The following AMZ1 variants were observed in gnomAD, a reference collection of about 807,000 sequenced individuals.
AMZ1 encodes the protein archaelysin family metallopeptidase 1, also known as archaemetzincin-1.
Under a neutral mutation model 29.9 loss-of-function variants are expected in AMZ1, and 39 were observed. That is an observed-to-expected ratio of 1.30 (90% CI 1.01 to 1.70). The LOEUF (loss-of-function observed/expected upper bound fraction) is 1.70. Among genes scored for constraint, AMZ1 ranks in the 40% most tolerant of loss-of-function variants. The pLI is 0.00. For synonymous variants in AMZ1, 458 were observed against 304.0 expected (o/e 1.51, Z -5.27); for missense variants, 1,041 against 680.6 (o/e 1.53, Z -5.89).
intron 3 of AMZ1, among the ~76,000 whole-genome samples, 170 bp from the exon 4 acceptor site, chr7:2,708,418 C>T (rs1328029361): frequency 6.6e-6 from 1 of 152,184 alleles, no homozygotes; most frequent in Non-Finnish European, 1.5e-5. Context: ...CACTCCACAT[C>T]ATGCAGTACT....
chr7:2,689,487 G>A (rs1446007201), intron 1 of AMZ1, among the ~76,000 whole-genome samples: 6 of 152,188 alleles, frequency 3.9e-5, no homozygotes, highest in African/African-American at 1.4e-4. Flanking sequence ...GCTGGAACTC[G>A]GGTGCTCTGG....
rs1326792541 is a variant in AMZ1, at chr7:2,719,044, A to C, written c.*6166A>C. ...TTTTTTCCCCCCCATCTGAAGTGAG[A>C]TCAAACTTCTACCACATTCTACCTG... On this transcript the variant is annotated 3_prime_UTR_variant, in exon 7 of 7. Transcript: ENST00000683327. 6.8e-6 allele frequency among the ~76,000 whole-genome samples: 1 copy of C among 147,762 alleles called. No individual in the cohort carries two copies. The highest frequency in any genetic ancestry group is 1.5e-5 in the Non-Finnish European group (1 of 67,470).
At chr7:2,697,953 A>G (rs1787838070) in intron 1 of AMZ1, among the ~76,000 whole-genome samples, 1 of 152,216 alleles carries the variant, frequency 6.6e-6, no homozygotes, top group Non-Finnish European at 1.5e-5. Context: ...ATATTTGTGT[A>G]TATTTGTGTG....
chr7:2,728,384 T>C (rs1276458475), intron 4 of AMZ1: 4 of 152,300 alleles, frequency 2.6e-5, no homozygotes, highest in African/African-American at 9.7e-5. Context: ...TTATTTTTCT[T>C]TTATCAAAGA....
At chr7:2,701,572 C>T (rs1054739123) in intron 2 of AMZ1, among the ~76,000 whole-genome samples, 6 of 152,146 alleles carry the variant, frequency 3.9e-5, no homozygotes, top group Admixed American at 1.3e-4. Context: ...CAGGCAGGTG[C>T]GGGGAGCGCG....
At chr7:2,679,723 A>C (rs1019660435) in intron 1 of AMZ1, 1 of 152,480 alleles carries the variant, frequency 6.6e-6, no homozygotes, top group Non-Finnish European at 1.5e-5. Flanking sequence ...GGGAAGAGGC[A>C]GCTGTGGGGC....
In AMZ1 at chr7:2,711,694, C is replaced by G. The variant is rs1159119027; in HGVS notation, c.949-636C>G. 1.3e-5 allele frequency among the ~76,000 whole-genome samples: 2 copies of G among 152,254 alleles called. 1 individual carries two copies. Among genetic ancestry groups the G allele is most frequent in the African/African-American group, 4.8e-5 (2 of 41,554 alleles). ...CCTCTGCCTCCCTGTGCTGGGATTACAAGCGTGAGCCACCATGCCCACACC... is the reference window on the plus strand; with the variant it reads ...CCTCTGCCTCCCTGTGCTGGGATTAGAAGCGTGAGCCACCATGCCCACACC... On this transcript the variant is annotated intron_variant, in intron 6 of 6. Coordinates refer to ENST00000683327, the MANE Select transcript of AMZ1 (RefSeq NM_001384743.1).
chr7:2,759,249 A>G (rs1010729913), intron 4 of AMZ1, among the ~76,000 whole-genome samples: 2 of 152,208 alleles, frequency 1.3e-5, no homozygotes, highest in African/African-American at 4.8e-5. Flanking sequence ...AATAAGTCAT[A>G]AAATGGTTAT....
intron 4 of AMZ1, among the ~76,000 whole-genome samples, chr7:2,725,493 C>T (rs995001599): frequency 5.9e-5 from 9 of 152,226 alleles, no homozygotes; most frequent in African/African-American, 2.2e-4. Context: ...AATAACCTGC[C>T]TCCAAGTTCC....
At chr7:2,736,032 G>A (rs914121914) in intron 4 of AMZ1, among the ~76,000 whole-genome samples, 6 of 152,286 alleles carry the variant, frequency 3.9e-5, no homozygotes, top group East Asian at 3.9e-4. Flanking sequence ...GATTGGGCAC[G>A]CAGCCCACGG....
chr7:2,681,392 C>A (rs1452486778), intron 1 of AMZ1, among the ~76,000 whole-genome samples: 1 of 152,050 alleles, frequency 6.6e-6, no homozygotes. Flanking sequence ...CCATCTCAGC[C>A]TCCCAGGTGC....
intron 4 of AMZ1, among the ~76,000 whole-genome samples, chr7:2,727,001 G>C (rs544155325): frequency 2.6e-5 from 4 of 152,344 alleles, no homozygotes; most frequent in African/African-American, 7.2e-5. Flanking sequence ...ATGCTCACAT[G>C]CATGTGTTTA....
At position 2,708,631 on chromosome 7, in the gene AMZ1, G is replaced by A. The variant is rs533616803; in HGVS notation, c.516G>A (p.Ala172=). 92 of 1,612,940 alleles carry A rather than the reference G, an allele frequency of 5.7e-5. No individual in the cohort carries two copies. Among genetic ancestry groups the A allele is most frequent in the Non-Finnish European group, 6.8e-5 (80 of 1,179,986 alleles). Residue 172 remains alanine (A), a synonymous_variant, in exon 4 of 7, where the codon GCG becomes GCA. Transcript: ENST00000683327. ...TGAAGAACAACAAGCCAGGGGACGCGCTGTGTGTGCTGGGCCTCACACTGT... is the reference window on the plus strand; with the variant it reads ...TGAAGAACAACAAGCCAGGGGACGCACTGTGTGTGCTGGGCCTCACACTGT... The part of the protein sequence containing the change: ...SFLKNNKPGD[A]LCVLGLTLSD...
chr7:2,711,871 C>A (rs944688913), intron 6 of AMZ1, among the ~76,000 whole-genome samples: 1 of 152,036 alleles, frequency 6.6e-6, no homozygotes, highest in African/African-American at 2.4e-5. Context: ...TGGTGAAACC[C>A]CGTCTCCACT....
chr7:2,740,514 C>A (rs906852939), intron 4 of AMZ1, among the ~76,000 whole-genome samples: 2 of 152,168 alleles, frequency 1.3e-5, no homozygotes, highest in Non-Finnish European at 2.9e-5. Flanking sequence ...ATCTCCAGAG[C>A]TGTGAGAAAA....
chr7:2,701,799 C>T (rs537995028), intron 2 of AMZ1, among the ~76,000 whole-genome samples: 90 of 152,332 alleles, frequency 5.9e-4, no homozygotes, highest in African/African-American at 1.9e-3. Flanking sequence ...TGGTGGTCCA[C>T]GCAGCCCCTT....
upstream of AMZ1, chr7:2,688,154 C>G (rs1484005735): frequency 6.6e-6 from 1 of 152,554 alleles, no homozygotes; most frequent in Non-Finnish European, 1.5e-5. Context: ...GCCCCAGTCC[C>G]GCCCGCCTCG....
chr7:2,709,579 G>T, intron 5 of AMZ1, 61 bp from the exon 6 acceptor site: 1 of 1,564,924 alleles, frequency 6.4e-7, no homozygotes, highest in South Asian at 1.2e-5. Flanking sequence ...GGGCTGCCTG[G>T]GGATCTGCCG....
chr7:2,721,079 C>T (rs547153663), downstream of AMZ1, among the ~76,000 whole-genome samples: 68 of 152,304 alleles, frequency 4.5e-4, 1 homozygote, highest in Admixed American at 3.9e-3. Flanking sequence ...CTGGTGGTGG[C>T]GACCAGCAGC....
Sources: allele counts gnomAD v4.1 joint callset (sites outside exome capture counted in the v4.1 genomes callset), GRCh38; gene constraint gnomAD v4.1.1; transcripts MANE v1.5; gene names NCBI Gene and HGNC (gene_info 2026-07-23, HGNC 2026-07-21).